PHF8: variants seen among roughly 807,000 people sequenced by gnomAD.
The protein encoded by PHF8 is histone lysine demethylase PHF8.
PHF8 carries 9 observed loss-of-function variants against 74.4 expected under a neutral mutation model. That is an observed-to-expected ratio of 0.12 (90% confidence interval 0.07 to 0.21). The LOEUF is 0.21. Among genes scored for constraint, PHF8 ranks in the 10% least tolerant of loss-of-function variants. The pLI, the probability that PHF8 is intolerant of heterozygous loss-of-function variation, is 1.00. For missense variants in PHF8, 478 were observed against 816.6 expected (o/e 0.59, Z 5.05); for synonymous variants, 311 against 316.6 (o/e 0.98, Z 0.19).
At chrX:54,019,003 G>C (rs952169992) in intron 4 of PHF8, among the ~76,000 whole-genome samples, 2 of 111,473 alleles carry the variant, frequency 1.8e-5, no homozygotes, top group African/African-American at 3.3e-5. Context: ...AAAAACCTGG[G>C]AAAAACCCAG....
At position 53,987,918 on chromosome X, in the gene PHF8, T is replaced by C. The variant is rs1557100198; in HGVS notation, c.1757A>G (p.Lys586Arg). The C allele has an allele frequency of 1.7e-6, 2 of 1,207,933 alleles. No homozygotes were observed. Among genetic ancestry groups the C allele is most frequent in the Admixed American group, 4.4e-5 (2 of 45,975 alleles). Residue 586 changes from lysine (K) to arginine (R), a missense_variant, in exon 15 of 22, where the codon AAA becomes AGA. Coordinates refer to ENST00000338154, the MANE Select transcript of PHF8 (RefSeq NM_015107.3). Reference sequence around the variant, plus strand: ...CTTTGCTATCTTGGTTCGCCGAGATTTGGATAAACTCTTCACCCTTTTCGT... The same window carrying C: ...CTTTGCTATCTTGGTTCGCCGAGATCTGGATAAACTCTTCACCCTTTTCGT... ...GSTKRVKSLS[K>R]SRRTKIAKKV...
At chrX:53,943,008 G>A in intron 20 of PHF8, 1 of 770,793 alleles carries the variant, frequency 1.3e-6, no homozygotes, top group Non-Finnish European at 1.5e-6. Flanking sequence ...GCCCCTACCA[G>A]AAGCTTAGCT....
intron 6 of PHF8, among the ~76,000 whole-genome samples, chrX:54,014,997 G>A (rs1557107637): frequency 8.9e-6 from 1 of 111,744 alleles, no homozygotes; most frequent in Non-Finnish European, 1.9e-5. Context: ...TTTATCCTAC[G>A]TAAAGCCACA....
intron 19 of PHF8, among the ~76,000 whole-genome samples, chrX:53,952,254 A>C (rs1239773743): frequency 4.7e-5 from 5 of 106,769 alleles, no homozygotes; most frequent in African/African-American, 1.7e-4. Context: ...ATTGCACTCC[A>C]GCCCAGGCGA....
chrX:53,941,004 A>G (rs1418790526), intron 20 of PHF8, among the ~76,000 whole-genome samples: 1 of 112,433 alleles, frequency 8.9e-6, no homozygotes, highest in Non-Finnish European at 1.9e-5. Context: ...AGTAGTTGGG[A>G]CCACTATCTA....
At chrX:53,971,489 G>A (rs1205225893) in intron 18 of PHF8, among the ~76,000 whole-genome samples, 8 of 111,190 alleles carry the variant, frequency 7.2e-5, no homozygotes, top group African/African-American at 2.6e-4. Context: ...CTGAACGGAA[G>A]GAGACAGAGA....
chrX:53,980,397 A>G (rs1179739755), intron 18 of PHF8, among the ~76,000 whole-genome samples: 2 of 111,385 alleles, frequency 1.8e-5, no homozygotes, highest in African/African-American at 6.5e-5. Flanking sequence ...GTATATGCAC[A>G]GAAGTATGAC....
intron 4 of PHF8, among the ~76,000 whole-genome samples, chrX:54,020,130 G>C (rs2066144173): frequency 8.9e-6 from 1 of 112,065 alleles, no homozygotes; most frequent in Non-Finnish European, 1.9e-5. Flanking sequence ...AGGTTGCAGT[G>C]AGCCGAGATC....
At chrX:54,020,596 T>C (rs1247039729) in intron 4 of PHF8, among the ~76,000 whole-genome samples, 1 of 112,134 alleles carries the variant, frequency 8.9e-6, no homozygotes, top group Non-Finnish European at 1.9e-5. Context: ...TGTTTGTATA[T>C]GCAAAAACCA....
In PHF8 at chrX:54,022,277, C is replaced by T. The variant is rs1033986927; in HGVS notation, c.275G>A (p.Arg92Gln). 6.7e-6 allele frequency: 8 copies of T among 1,185,821 alleles called. No homozygotes were observed. The highest frequency in any genetic ancestry group is 1.7e-5 in the African/African-American group (1 of 57,368). ...TGSPTFVRELRSRTFDSSDEV... is the reference protein window; with the variant it reads ...TGSPTFVRELQSRTFDSSDEV... ...TCCTCACCTGTCAAAAGTCCTACTC[C>T]GGAGCTCTCTGACGAACGTAGGGCT... is the stretch of plus-strand genomic sequence containing the variant. Residue 92 changes from arginine (R) to glutamine (Q), a missense_variant, in exon 4 of 22, where the codon CGG becomes CAG. Arg to Gln is a conservative substitution (Grantham distance 43). Transcript: ENST00000338154.
At chrX:53,955,046 T>C (rs782708749) in intron 19 of PHF8, among the ~76,000 whole-genome samples, 14 of 111,473 alleles carry the variant, frequency 1.3e-4, no homozygotes, top group East Asian at 5.6e-4. Context: ...ATATTTTATA[T>C]GTTTGTTGCT....
At chrX:53,974,019 G>T (rs979140511) in intron 18 of PHF8, among the ~76,000 whole-genome samples, 2 of 111,272 alleles carry the variant, frequency 1.8e-5, no homozygotes, top group African/African-American at 6.5e-5. Flanking sequence ...CAGCACTTTG[G>T]GGGGCTGAGG....
At chrX:53,978,669 G>T (rs1171637580) in intron 18 of PHF8, among the ~76,000 whole-genome samples, 1 of 108,539 alleles carries the variant, frequency 9.2e-6, no homozygotes, top group African/African-American at 3.4e-5. Flanking sequence ...GTGGTGGTGT[G>T]CGCCTTTAAT....
At chrX:54,000,551 A>C (rs1328697244) in intron 10 of PHF8, among the ~76,000 whole-genome samples, 2 of 112,690 alleles carry the variant, frequency 1.8e-5, no homozygotes, top group East Asian at 5.5e-4. Context: ...TGAACACTTA[A>C]GTGACAGTCT....
intron 19 of PHF8, among the ~76,000 whole-genome samples, chrX:53,961,468 T>C (rs1177097089): frequency 9.1e-6 from 1 of 110,415 alleles, no homozygotes; most frequent in Non-Finnish European, 1.9e-5. Context: ...GCTGGGATTA[T>C]AGGCGCCCGC....
upstream of PHF8, chrX:54,044,492 G>A (rs1254880529): frequency 1.5e-6 from 1 of 679,170 alleles, no homozygotes; most frequent in Non-Finnish European, 1.8e-6. Flanking sequence ...GGCGGAGGCG[G>A]GGAACCGCGA....
At chrX:53,957,143 G>A (rs1273907312) in intron 19 of PHF8, among the ~76,000 whole-genome samples, 2 of 106,079 alleles carry the variant, frequency 1.9e-5, no homozygotes, top group East Asian at 2.9e-4. Context: ...ACAAGGGATC[G>A]AGACCATCTT....
intron 19 of PHF8, among the ~76,000 whole-genome samples, chrX:53,960,840 CAT>C (rs2065092761): frequency 9.1e-6 from 1 of 110,178 alleles, no homozygotes; most frequent in Admixed American, 9.7e-5. Flanking sequence ...TATAAAGAAA[CAT>C]GTCAAAATGT....
intron 2 of PHF8, among the ~76,000 whole-genome samples, chrX:54,039,133 C>CAA (rs61507959): frequency 9.4e-5 from 4 of 42,575 alleles, no homozygotes; most frequent in East Asian, 9.4e-4. Flanking sequence ...GACTCTGTCT[C>CAA]AAAAAAAAAA....
Sources: gnomAD v4.1 joint callset for allele counts (sites outside exome capture counted in the v4.1 genomes callset) on GRCh38, gnomAD v4.1.1 for gene constraint, MANE v1.5 for transcripts, NCBI Gene and HGNC (gene_info 2026-07-23, HGNC 2026-07-21) for gene names.